Variants in INSYN2B observed in about 807,000 individuals in gnomAD.
INSYN2B encodes the protein protein INSYN2B.
In INSYN2B, 16 loss-of-function variants were observed where a neutral mutation model predicts 41.2. That is an observed-to-expected ratio of 0.39 (90% CI 0.26 to 0.59). INSYN2B has a LOEUF of 0.59. Among genes scored for constraint, INSYN2B ranks in the 20% least tolerant of loss-of-function variants. The pLI is 0.57. For missense variants in INSYN2B, 608 were observed against 646.4 expected (o/e 0.94, Z 0.64); for synonymous variants, 245 against 244.4 (o/e 1.00, Z -0.02).
At chr5:169,977,433 G>C (rs1777754816) in intron 1 of INSYN2B, among the ~76,000 whole-genome samples, 1 of 152,156 alleles carries the variant, frequency 6.6e-6, no homozygotes, top group Non-Finnish European at 1.5e-5. Context: ...AATAATAGCT[G>C]CTATTATCGA....
At chr5:169,878,885 G>A (rs1027191725) in intron 3 of INSYN2B, among the ~76,000 whole-genome samples, 3 of 152,108 alleles carry the variant, frequency 2.0e-5, no homozygotes, top group Non-Finnish European at 2.9e-5. Flanking sequence ...CTTTATGTAC[G>A]GAAATCCCTG....
chr5:169,936,718 A>G (rs1235042941), intron 1 of INSYN2B, among the ~76,000 whole-genome samples: 2 of 151,746 alleles, frequency 1.3e-5, no homozygotes, highest in African/African-American at 4.8e-5. Flanking sequence ...TCCAGCCTAT[A>G]TAGATTTGGT....
chr5:169,877,673 A>T (rs937801490), intron 3 of INSYN2B, among the ~76,000 whole-genome samples: 29 of 151,756 alleles, frequency 1.9e-4, no homozygotes, highest in African/African-American at 5.8e-4. Context: ...ATAGATAGAT[A>T]GATTGATATA....
chr5:169,924,463 T>C (rs1775333823), intron 1 of INSYN2B, among the ~76,000 whole-genome samples: 1 of 152,206 alleles, frequency 6.6e-6, no homozygotes, highest in Admixed American at 6.5e-5. Context: ...TTTTCTCCAG[T>C]AGAAAGGACT....
rs1417349724 is a variant in INSYN2B, at chr5:169,869,370, T to A, written c.1422-4911A>T. On this transcript the variant is annotated intron_variant, in intron 3 of 3. Transcript: ENST00000377365. ...TAAAGGGGATTGAAAGTAACTTTCT[T>A]TTCAAGGCCAGGCAAATAGCAGAAT... is the stretch of plus-strand genomic sequence containing the variant. Among the ~76,000 whole-genome samples, 5 of 152,360 alleles carry A rather than the reference T, an allele frequency of 3.3e-5. No individual in the cohort carries two copies. In the South Asian group the frequency reaches 1.0e-3, roughly 32 times the overall value.
intron 1 of INSYN2B, among the ~76,000 whole-genome samples, chr5:169,948,879 C>G (rs963459097): frequency 6.6e-6 from 1 of 151,960 alleles, no homozygotes; most frequent in African/African-American, 2.4e-5. Context: ...GTCATTCGTC[C>G]CTGCCTCCTC....
intron 1 of INSYN2B, among the ~76,000 whole-genome samples, chr5:169,949,978 A>G (rs531551172): frequency 6.6e-6 from 1 of 152,304 alleles, no homozygotes; most frequent in South Asian, 2.1e-4. Context: ...CACATTTACC[A>G]GAAAAACACA....
At chr5:169,930,251 A>G (rs1382847338) in intron 1 of INSYN2B, among the ~76,000 whole-genome samples, 2 of 152,140 alleles carry the variant, frequency 1.3e-5, no homozygotes, top group African/African-American at 2.4e-5. Context: ...CGGCCTCCCA[A>G]AGTGCTGGGA....
At chr5:169,868,983 T>C (rs556228025) in intron 3 of INSYN2B, among the ~76,000 whole-genome samples, 1 of 152,274 alleles carries the variant, frequency 6.6e-6, no homozygotes, top group South Asian at 2.1e-4. Context: ...GGCAAGTTTC[T>C]TCTCTTCCCA....
intron 1 of INSYN2B, among the ~76,000 whole-genome samples, chr5:169,977,905 C>A (rs1777773029): frequency 6.6e-6 from 1 of 152,174 alleles, no homozygotes; most frequent in African/African-American, 2.4e-5. Flanking sequence ...GCACCAATTT[C>A]ATCCAAGAAT....
intron 1 of INSYN2B, among the ~76,000 whole-genome samples, chr5:169,952,393 G>T (rs2113727862): frequency 6.6e-6 from 1 of 152,010 alleles, no homozygotes; most frequent in East Asian, 1.9e-4. Context: ...CTCTTTCCTG[G>T]ATCATTTTAA....
At chr5:169,942,556 T>G (rs1776283465) in intron 1 of INSYN2B, among the ~76,000 whole-genome samples, 1 of 152,244 alleles carries the variant, frequency 6.6e-6, no homozygotes. Context: ...AAATTGTAAT[T>G]TTCCCTCCCA....
chr5:169,970,887 T>A (rs1777478098), intron 1 of INSYN2B, among the ~76,000 whole-genome samples: 1 of 152,016 alleles, frequency 6.6e-6, no homozygotes, highest in Non-Finnish European at 1.5e-5. Flanking sequence ...TTTAATTGAG[T>A]GTGGATCCGA....
intron 1 of INSYN2B, among the ~76,000 whole-genome samples, chr5:169,915,511 C>T (rs1280765711): frequency 6.6e-6 from 1 of 150,938 alleles, no homozygotes; most frequent in African/African-American, 2.4e-5. Context: ...GACTCATTTC[C>T]AATTTGCCTG....
intron 1 of INSYN2B, among the ~76,000 whole-genome samples, chr5:169,943,486 G>A (rs895482776): frequency 2.0e-5 from 3 of 152,102 alleles, no homozygotes; most frequent in Non-Finnish European, 2.9e-5. Flanking sequence ...AGATTTTAGG[G>A]CCTCTCTTGA....
chr5:169,947,194 C>T (rs1776485139), intron 1 of INSYN2B, among the ~76,000 whole-genome samples: 1 of 152,198 alleles, frequency 6.6e-6, no homozygotes, highest in Non-Finnish European at 1.5e-5. Flanking sequence ...GATATGAACT[C>T]AAGCAGTCTG....
At chr5:169,918,608 G>T (rs1343034397) in intron 1 of INSYN2B, among the ~76,000 whole-genome samples, 1 of 152,170 alleles carries the variant, frequency 6.6e-6, no homozygotes, top group Admixed American at 6.5e-5. Flanking sequence ...ATACTGTTTA[G>T]GTTACTTTAA....
rs554423960 is a variant in INSYN2B, at chr5:169,948,504, C to T, written c.-919+31773G>A. On this transcript the variant is annotated intron_variant, in intron 1 of 3. Transcript: ENST00000377365. ...CTCTATCTGTATATCTGACTATCAT[C>T]TACCTACACACACATAGAAACACAT... Among the ~76,000 whole-genome samples the T allele has an allele frequency of 9.0e-4, 137 of 152,192 alleles. 1 individual carries two copies. Among genetic ancestry groups the T allele is most frequent in the African/African-American group, 3.3e-3 (137 of 41,520 alleles).
chr5:169,977,616 T>C (rs1023773905), intron 1 of INSYN2B, among the ~76,000 whole-genome samples: 3 of 152,222 alleles, frequency 2.0e-5, no homozygotes, highest in African/African-American at 7.2e-5. Context: ...TCAGGCTTTC[T>C]GGCTCCTAAG....
Sources: gnomAD v4.1 joint callset for allele counts (sites outside exome capture counted in the v4.1 genomes callset) on GRCh38, gnomAD v4.1.1 for gene constraint, MANE v1.5 for transcripts, NCBI Gene and HGNC (gene_info 2026-07-23, HGNC 2026-07-21) for gene names.